VPS13D: variants seen among roughly 807,000 people sequenced by gnomAD.
VPS13D encodes the protein vacuolar protein sorting 13 homolog D.
In VPS13D, 187 loss-of-function variants were observed where a neutral mutation model predicts 461.9. The observed-to-expected ratio is 0.40, with a 90% confidence interval of 0.36 to 0.46. VPS13D has a LOEUF of 0.46. Ranked by LOEUF, VPS13D falls within the 20% of genes least tolerant of loss-of-function variation. The pLI is 0.60. For missense variants in VPS13D, 4,711 were observed against 5,364.9 expected (o/e 0.88, Z 3.81); for synonymous variants, 1,951 against 1,986.3 (o/e 0.98, Z 0.47).
intron 52 of VPS13D, among the ~76,000 whole-genome samples, chr1:12,364,996 C>T (rs1644013962): frequency 6.6e-6 from 1 of 152,116 alleles, no homozygotes; most frequent in Non-Finnish European, 1.5e-5. Context: ...TTGGTTTTCT[C>T]AGCACTGTTT....
At chr1:12,267,337 G>GT (rs1490939142) in intron 14 of VPS13D, among the ~76,000 whole-genome samples, 3 of 152,086 alleles carry the variant, frequency 2.0e-5, no homozygotes, top group African/African-American at 7.2e-5. Context: ...CTGACCCTTA[G>GT]TTACTGACAT....
At chr1:12,331,203 G>A (rs539883968) in intron 37 of VPS13D, among the ~76,000 whole-genome samples, 67 of 152,160 alleles carry the variant, frequency 4.4e-4, no homozygotes, top group Non-Finnish European at 7.2e-4. Context: ...AGGTCTCATC[G>A]GAATTGGTAG....
At chr1:12,455,859 TGATGA>T in intron 65 of VPS13D, 134 bp from the exon 66 acceptor site, 1 of 1,066,148 alleles carries the variant, frequency 9.4e-7, no homozygotes, top group South Asian at 2.6e-5. Flanking sequence ...GCGGAGGTTG[TGATGA>T]GATGAGATCA....
At chr1:12,442,263 A>G (rs1475768880) in intron 65 of VPS13D, among the ~76,000 whole-genome samples, 2 of 152,220 alleles carry the variant, frequency 1.3e-5, no homozygotes, top group Non-Finnish European at 2.9e-5. Context: ...TCAATATGTA[A>G]TCAATATGTA....
intron 55 of VPS13D, among the ~76,000 whole-genome samples, chr1:12,377,820 CAAAAA>C (rs1193875764): frequency 5.2e-5 from 4 of 77,044 alleles, no homozygotes; most frequent in Admixed American, 1.4e-4. Flanking sequence ...AACTCCATCC[CAAAAA>C]AAAAAAAAAA....
At position 12,244,229 on chromosome 1, in the gene VPS13D, T is replaced by G. The variant is rs753099408; in HGVS notation, c.176-17T>G. ...AATGTGTACAGATGGTGAACAAGAC[T>G]TTCCTTCTCCTTCCAGGCTTCATTG... On this transcript the variant is annotated splice_polypyrimidine_tract_variant and intron_variant, in intron 3 of 69. Transcript: ENST00000620676. The G allele has an allele frequency of 7.5e-6, 12 of 1,597,444 alleles. No homozygotes were observed. The East Asian group carries it at 8.9e-5, about 12-fold the overall frequency.
chr1:12,424,280 C>CA (rs1644897123), intron 65 of VPS13D, among the ~76,000 whole-genome samples: 1 of 152,144 alleles, frequency 6.6e-6, no homozygotes. Context: ...AGTTGTTGTA[C>CA]ATAGGGAAAT....
At chr1:12,273,943 A>G (rs899563025) in intron 18 of VPS13D, among the ~76,000 whole-genome samples, 2 of 152,126 alleles carry the variant, frequency 1.3e-5, no homozygotes, top group African/African-American at 4.8e-5. Flanking sequence ...CATTTCTGCA[A>G]TGTAGACATA....
intron 65 of VPS13D, among the ~76,000 whole-genome samples, chr1:12,425,316 G>C (rs1410332657): frequency 6.6e-6 from 1 of 152,078 alleles, no homozygotes; most frequent in Non-Finnish European, 1.5e-5. Context: ...CCAGCACTTT[G>C]GGAAGCCGAG....
intron 63 of VPS13D, among the ~76,000 whole-genome samples, chr1:12,412,045 A>G (rs1644736956): frequency 6.6e-6 from 1 of 152,246 alleles, no homozygotes. Context: ...CACTTGACAG[A>G]AGATGCAAAG....
chr1:12,312,057 G>C, intron 29 of VPS13D, 132 bp downstream of exon 29: 8 of 539,404 alleles, frequency 1.5e-5, no homozygotes, highest in South Asian at 9.0e-5. Context: ...GTGTCTTTTG[G>C]TTGATCTACA....
intron 37 of VPS13D, among the ~76,000 whole-genome samples, chr1:12,331,711 TAAAAAAAA>T (rs757913489): frequency 2.4e-3 from 257 of 106,196 alleles, no homozygotes; most frequent in Non-Finnish European, 3.6e-3. Flanking sequence ...GACTCTGTCT[TAAAAAAAA>T]AAAAAAAAAA....
At chr1:12,234,056 A>G (rs1317570596) in intron 1 of VPS13D, 135 bp from the exon 2 acceptor site, 1 of 427,916 alleles carries the variant, frequency 2.3e-6, no homozygotes, top group East Asian at 4.0e-5. Context: ...CAAAACAAAA[A>G]CAAAAACACA....
At position 12,276,567 on chromosome 1, in the gene VPS13D, T is replaced by G. The variant is rs1201423442; in HGVS notation, c.2979T>G (p.Asp993Glu). Residue 993 changes from aspartate (D) to glutamate (E), a missense_variant, in exon 19 of 70, where the codon GAT becomes GAG. Asp to Glu is a conservative substitution (Grantham distance 45). This residue lies in a region of VPS13D where 4,411 missense variants were observed against 4,937.8 expected (regional missense o/e 0.89). Transcript: ENST00000620676. This position sits in a 1 kb window ranked among gnomAD's most constrained non-coding sequence, Gnocchi z 4.5. Reference protein sequence around the residue: ...TNAHFVKRPYDAEVSLTVHGL... With the variant: ...TNAHFVKRPYEAEVSLTVHGL... ...CTCACTTTGTGAAGAGGCCTTATGA[T>G]GCTGAAGTCTCCCTAACTGTTCATG... The G allele has an allele frequency of 6.2e-7, 1 of 1,614,098 alleles. No individual in the cohort carries two copies. Among genetic ancestry groups the G allele is most frequent in the African/African-American group, 1.3e-5 (1 of 74,946 alleles).
At position 12,318,181 on chromosome 1, in the gene VPS13D, A is replaced by C; in HGVS notation, c.7258A>C (p.Ile2420Leu). The C allele has an allele frequency of 6.2e-7, 1 of 1,614,176 alleles. No homozygotes were observed. The change falls in exon 31 of 70, where the codon ATT becomes CTT. Residue 2420 changes from isoleucine to leucine, a missense_variant. By Grantham distance (5) the Ile-to-Leu change is conservative. Around this residue, in one of 3 missense-constraint regions of VPS13D, gnomAD observed 4,411 missense variants for 4,937.8 expected, o/e 0.89. Coordinates refer to ENST00000620676, the MANE Select transcript of VPS13D (RefSeq NM_015378.4). ...TGATTTTCTCCACACTCCCAGTGAT[A>C]TTAAGAAACAAAATCATGTTACTCC... ...VHDFLHTPSD[I>L]KKQNHVTPSR...
intron 53 of VPS13D, among the ~76,000 whole-genome samples, chr1:12,369,229 CTGTGTGTG>C (rs142328809): frequency 6.8e-6 from 1 of 147,564 alleles, no homozygotes. Flanking sequence ...GTGTGTGTAT[CTGTGTGTG>C]TGTGTGTGTG....
At chr1:12,325,063 G>C (rs1643143741) in intron 35 of VPS13D, among the ~76,000 whole-genome samples, 1 of 151,990 alleles carries the variant, frequency 6.6e-6, no homozygotes, top group African/African-American at 2.4e-5. Context: ...TACAGCACAG[G>C]CTGCATTTCC....
chr1:12,427,550 C>T (rs1369959062), intron 65 of VPS13D, among the ~76,000 whole-genome samples: 8 of 152,016 alleles, frequency 5.3e-5, no homozygotes, highest in Admixed American at 1.3e-4. Flanking sequence ...TCATTATTCC[C>T]TAAAGCATAC....
intron 25 of VPS13D, among the ~76,000 whole-genome samples, chr1:12,302,311 C>G (rs1171160627): frequency 1.3e-5 from 2 of 152,138 alleles, no homozygotes; most frequent in Non-Finnish European, 2.9e-5. Context: ...GAAATCAGTT[C>G]TAGCCAGATT....
Sources: allele counts gnomAD v4.1 joint callset (sites outside exome capture counted in the v4.1 genomes callset), GRCh38; gene constraint gnomAD v4.1.1; regional missense constraint gnomAD v4.1.1; non-coding constraint Gnocchi (gnomAD v3.1); transcripts MANE v1.5; gene names NCBI Gene and HGNC (gene_info 2026-07-23, HGNC 2026-07-21).